The following PCLO variants were observed in gnomAD, a reference collection of about 807,000 sequenced individuals.
The protein encoded by PCLO is protein piccolo.
PCLO carries 82 observed loss-of-function variants against 427.5 expected under a neutral mutation model. The ratio of observed to expected loss-of-function variants is 0.19; its 90% CI spans 0.16 to 0.23. The LOEUF is 0.23. PCLO is among the 10% of genes least tolerant of loss of function. The pLI is 1.00. For missense variants in PCLO, 6,239 were observed against 6,115.9 expected, an observed-to-expected ratio of 1.02 and a Z score of -0.67; for synonymous variants, 2,357 against 2,155.4, an observed-to-expected ratio of 1.09 and a Z score of -2.59.
At chr7:82,853,765 T>C (rs1191187647) in intron 10 of PCLO, among the ~76,000 whole-genome samples, 1 of 152,186 alleles carries the variant, frequency 6.6e-6, no homozygotes, top group Non-Finnish European at 1.5e-5. Flanking sequence ...GTAGTTTGGT[T>C]ATTTACTAGT....
chr7:82,980,441 A>T lies in PCLO; in HGVS notation c.3301-13954T>A, dbSNP rs185409986. 6.6e-5 allele frequency among the ~76,000 whole-genome samples: 10 copies of T among 152,268 alleles called. No individual in the cohort carries two copies. The East Asian group carries it at 1.7e-3, about 26-fold the overall frequency. ...CCTGAAACGTTCAGCTGAGTCAAAT[A>T]AAGATTTTTGAGTTAGAAAGTGGCA... On this transcript the variant is annotated intron_variant, in intron 3 of 24. Transcript: ENST00000333891.
Position 83,155,251 on chromosome 7 carries a change from T to C in PCLO, c.1390A>G (p.Thr464Ala), listed in dbSNP as rs551587634. Residue 464 changes from threonine to alanine, a missense_variant, in exon 2 of 25, where the codon ACT becomes GCT. Around this residue, in one of 5 missense-constraint regions of PCLO, gnomAD observed 4,677 missense variants for 4,468.4 expected, o/e 1.05. Transcript: ENST00000333891. Reference sequence around the variant, plus strand: ...TGTGAAGGAGGCTTTGTTGGGCCAGTCTGCTGGGCAGAAGTCTTTCCGGGT... The same window carrying C: ...TGTGAAGGAGGCTTTGTTGGGCCAGCCTGCTGGGCAGAAGTCTTTCCGGGT... ...AGPGKTSAQQ[T>A]GPTKPPSQLP... The C allele has an allele frequency of 1.1e-4, 178 of 1,613,100 alleles. 4 individuals are homozygous for C. In the South Asian group the frequency reaches 1.9e-3, roughly 17 times the overall value.
intron 22 of PCLO, among the ~76,000 whole-genome samples, chr7:82,774,548 T>C (rs749456663): frequency 2.0e-5 from 3 of 152,198 alleles, no homozygotes; most frequent in Non-Finnish European, 4.4e-5. Context: ...TTATTTTATA[T>C]GTTAATTCCA....
intron 3 of PCLO, among the ~76,000 whole-genome samples, chr7:83,083,124 G>A (rs140126046): frequency 7.2e-5 from 11 of 151,802 alleles, no homozygotes; most frequent in African/African-American, 2.4e-4. Context: ...CCAGATGATT[G>A]ATGTAGTCAC....
chr7:82,770,209 A>G (rs1194495464), intron 22 of PCLO, among the ~76,000 whole-genome samples: 3 of 152,086 alleles, frequency 2.0e-5, no homozygotes, highest in Non-Finnish European at 2.9e-5. Context: ...TAATTACTCA[A>G]TAAGCATTAA....
At position 83,160,308 on chromosome 7, in the gene PCLO, T is replaced by C. The variant is rs1792402036; in HGVS notation, c.248+2037A>G. Among the ~76,000 whole-genome samples the C allele has an allele frequency of 3.3e-5, 5 of 152,136 alleles. No individual in the cohort carries two copies. The South Asian group carries it at 1.0e-3, about 31-fold the overall frequency. ...GGATAAAAACCCATGCTGTCAATCT[T>C]TATTTTTAAAATTCTATGTTCAATT... is the stretch of plus-strand genomic sequence containing the variant. On this transcript the variant is annotated intron_variant, in intron 1 of 24. Coordinates refer to ENST00000333891, the MANE Select transcript of PCLO (RefSeq NM_033026.6).
At chr7:83,125,857 C>T (rs889890441) in intron 3 of PCLO, among the ~76,000 whole-genome samples, 2 of 151,626 alleles carry the variant, frequency 1.3e-5, no homozygotes, top group African/African-American at 2.4e-5. Context: ...TCCCCCTCTC[C>T]GAGAAACACC....
chr7:82,762,060 G>T (rs56806081), intron 22 of PCLO, among the ~76,000 whole-genome samples: 11,899 of 152,092 alleles, frequency 0.078, 1,138 homozygotes, highest in African/African-American at 0.23. Context: ...CACTCCACTA[G>T]GAAGAGTGAA....
intron 3 of PCLO, among the ~76,000 whole-genome samples, chr7:83,053,652 T>A (rs1203075803): frequency 6.6e-6 from 1 of 151,964 alleles, no homozygotes; most frequent in Non-Finnish European, 1.5e-5. Flanking sequence ...AATTGAGCCA[T>A]GTTTTAGAGC....
intron 10 of PCLO, among the ~76,000 whole-genome samples, chr7:82,847,777 GCC>G: frequency 6.6e-6 from 1 of 152,124 alleles, no homozygotes; most frequent in Non-Finnish European, 1.5e-5. Context: ...TTCACGGTAT[GCC>G]AGACATCCCT....
At chr7:82,829,631 C>T (rs1211962638) in intron 16 of PCLO, among the ~76,000 whole-genome samples, 1 of 152,052 alleles carries the variant, frequency 6.6e-6, no homozygotes, top group African/African-American at 2.4e-5. Flanking sequence ...GAGGAGCTCT[C>T]ATAGACTATG....
At position 82,956,997 on chromosome 7, in the gene PCLO, C is replaced by G. The variant is rs529120318; in HGVS notation, c.4018-62G>C. The G allele has an allele frequency of 7.0e-6, 10 of 1,427,562 alleles. No individual in the cohort carries two copies. In the East Asian group the frequency reaches 2.5e-4, roughly 35 times the overall value. 88.4% of individuals were successfully genotyped at this position (1,427,562 alleles called of 1,614,324 possible). Reference sequence around the variant, plus strand: ...TGGTTAAACTAAAAACATGGCCTCTCCATTACTACCAAATAACTATTAGGA... The same window carrying G: ...TGGTTAAACTAAAAACATGGCCTCTGCATTACTACCAAATAACTATTAGGA... On this transcript the variant is annotated intron_variant, in intron 4 of 24. Transcript: ENST00000333891.
intron 3 of PCLO, among the ~76,000 whole-genome samples, chr7:83,105,902 T>C (rs1448107441): frequency 2.6e-5 from 4 of 151,776 alleles, no homozygotes; most frequent in East Asian, 1.9e-4. Flanking sequence ...GTTCCTTGCT[T>C]GTAAGTAACA....
At chr7:82,813,095 G>A (rs1364005773) in intron 20 of PCLO, among the ~76,000 whole-genome samples, 1 of 151,680 alleles carries the variant, frequency 6.6e-6, no homozygotes, top group African/African-American at 2.4e-5. Flanking sequence ...CGAACATTTT[G>A]AAAATTCATT....
intron 2 of PCLO, among the ~76,000 whole-genome samples, chr7:83,153,395 C>T (rs1380287830): frequency 6.6e-6 from 1 of 151,778 alleles, no homozygotes; most frequent in Non-Finnish European, 1.5e-5. Context: ...AGAAAACAAC[C>T]AAGAGTTGAC....
chr7:83,120,625 C>A (rs1791253320), intron 3 of PCLO, among the ~76,000 whole-genome samples: 1 of 151,982 alleles, frequency 6.6e-6, no homozygotes, highest in African/African-American at 2.4e-5. Flanking sequence ...TAAACATGAG[C>A]TCCAATACAT....
intron 6 of PCLO, among the ~76,000 whole-genome samples, chr7:82,948,103 C>A (rs979944311): frequency 6.6e-6 from 1 of 152,060 alleles, no homozygotes; most frequent in African/African-American, 2.4e-5. Context: ...TATACCTACA[C>A]ATTATATAAC....
intron 9 of PCLO, among the ~76,000 whole-genome samples, chr7:82,886,709 T>G (rs973576802): frequency 2.0e-5 from 3 of 152,184 alleles, no homozygotes; most frequent in Non-Finnish European, 4.4e-5. Flanking sequence ...AAGAGTTATT[T>G]AGTACAGTTA....
At chr7:82,971,993 TAAAC>T (rs1268269189) in intron 3 of PCLO, among the ~76,000 whole-genome samples, 2 of 151,776 alleles carry the variant, frequency 1.3e-5, no homozygotes, top group Non-Finnish European at 3.0e-5. Flanking sequence ...TCATTAAATA[TAAAC>T]AAACTCAGAG....
Sources: gnomAD v4.1 joint callset for allele counts (sites outside exome capture counted in the v4.1 genomes callset) on GRCh38, gnomAD v4.1.1 for gene constraint, gnomAD v4.1.1 regional missense constraint, MANE v1.5 for transcripts, NCBI Gene and HGNC (gene_info 2026-07-23, HGNC 2026-07-21) for gene names.